Variants in MORC1 observed in about 807,000 individuals in gnomAD.
MORC1 encodes MORC family CW-type zinc finger 1, also known as MORC family CW-type zinc finger protein 1.
MORC1 carries 59 observed loss-of-function variants against 134.9 expected under a neutral mutation model. The ratio of observed to expected loss-of-function variants is 0.44; its 90% CI spans 0.35 to 0.54. MORC1 has a LOEUF of 0.54. Among genes scored for constraint, MORC1 ranks in the 20% least tolerant of loss-of-function variants. MORC1 has a pLI of 0.00. For missense variants in MORC1, 947 were observed against 1,134.5 expected, an observed-to-expected ratio of 0.83 and a Z score of 2.37; for synonymous variants, 395 against 391.7, an observed-to-expected ratio of 1.01 and a Z score of -0.10.
In MORC1 at chr3:108,986,907, TTTC is replaced by T; in HGVS notation, c.2227_2229del (p.Glu743del). On this transcript the variant is annotated inframe_deletion, in exon 22 of 28. Coordinates refer to ENST00000232603, the MANE Select transcript of MORC1 (RefSeq NM_014429.4). ...TGGTTTAAAAGAGGAATTTCCTTTT[TTTC>T]TTGTTTCAATGAAACATCAGTGTTG... 6.3e-7 allele frequency: 1 copy of T among 1,576,850 alleles called. No individual in the cohort carries two copies. Among genetic ancestry groups the T allele is most frequent in the Non-Finnish European group, 8.6e-7 (1 of 1,165,220 alleles).
chr3:109,115,260 T>C (rs1951244758), intron 1 of MORC1, among the ~76,000 whole-genome samples: 1 of 152,112 alleles, frequency 6.6e-6, no homozygotes, highest in Non-Finnish European at 1.5e-5. Flanking sequence ...TGCTCTTCTA[T>C]ACAAGAGAAA....
chr3:109,109,606 T>C (rs958601866), intron 3 of MORC1, among the ~76,000 whole-genome samples: 1 of 152,174 alleles, frequency 6.6e-6, no homozygotes, highest in Non-Finnish European at 1.5e-5. Flanking sequence ...TTTTACTCTA[T>C]TGGATATGGA....
At chr3:109,095,380 G>A (rs1249920895) in intron 6 of MORC1, among the ~76,000 whole-genome samples, 1 of 152,118 alleles carries the variant, frequency 6.6e-6, no homozygotes, top group Non-Finnish European at 1.5e-5. Context: ...GACAGCACAC[G>A]CAAGAAAAGC....
rs1433171430 is a variant in MORC1, at chr3:109,043,190, G to C, written c.1331-7722C>G. Among the ~76,000 whole-genome samples, 29 of 23,208 alleles carry C rather than the reference G, an allele frequency of 1.2e-3. No homozygotes were observed. The Admixed American group carries it at 0.013, about 11-fold the overall frequency. 15.2% of individuals were successfully genotyped at this position (23,208 alleles called of 152,430 possible). Reference sequence around the variant, plus strand: ...GATAAGCAAAATGTGGCAAAATGTGGGGGGGGGGGGGTGTGTATAACAGAA... The same window carrying C: ...GATAAGCAAAATGTGGCAAAATGTGCGGGGGGGGGGGTGTGTATAACAGAA... On this transcript the variant is annotated intron_variant, in intron 14 of 27. Transcript: ENST00000232603.
intron 6 of MORC1, 99 bp downstream of exon 6, chr3:109,099,259 T>C (rs2107775445): frequency 1.3e-6 from 1 of 793,216 alleles, no homozygotes; most frequent in East Asian, 2.8e-5. Flanking sequence ...AGTTTCTAAA[T>C]AATATCAGAA....
At chr3:108,980,823 A>C (rs1412527629) in intron 23 of MORC1, among the ~76,000 whole-genome samples, 2 of 152,218 alleles carry the variant, frequency 1.3e-5, no homozygotes, top group Non-Finnish European at 2.9e-5. Context: ...AAGAGGAAGA[A>C]GAATGTTCAG....
intron 3 of MORC1, 62 bp from the exon 4 acceptor site, chr3:109,103,979 T>G (rs1950976478): frequency 7.1e-7 from 1 of 1,403,654 alleles, no homozygotes; most frequent in South Asian, 1.2e-5. Flanking sequence ...CAGAAAGTCA[T>G]GCTGCTAGAA....
chr3:109,045,022 G>A (rs1476135237), intron 14 of MORC1, among the ~76,000 whole-genome samples: 1 of 151,394 alleles, frequency 6.6e-6, no homozygotes, highest in Non-Finnish European at 1.5e-5. Context: ...AACATACAAT[G>A]ACATTCAGGG....
At chr3:108,964,178 C>T (rs2107358966) in intron 26 of MORC1, among the ~76,000 whole-genome samples, 1 of 152,338 alleles carries the variant, frequency 6.6e-6, no homozygotes, top group Non-Finnish European at 1.5e-5. Flanking sequence ...ATATGACCCT[C>T]ATTAATAGAA....
intron 21 of MORC1, among the ~76,000 whole-genome samples, chr3:108,989,716 T>C (rs1947994173): frequency 1.3e-5 from 2 of 152,190 alleles, no homozygotes; most frequent in African/African-American, 2.4e-5. Context: ...AGTAAATACC[T>C]TTCTGCCAAC....
intron 21 of MORC1, among the ~76,000 whole-genome samples, chr3:108,996,836 C>T (rs912033117): frequency 3.3e-5 from 5 of 151,674 alleles, no homozygotes; most frequent in African/African-American, 1.2e-4. Flanking sequence ...TGGAGAAACC[C>T]TGTGTCTACT....
At chr3:109,003,376 ATAT>A (rs1181256111) in intron 20 of MORC1, among the ~76,000 whole-genome samples, 4 of 132,186 alleles carry the variant, frequency 3.0e-5, no homozygotes, top group Non-Finnish European at 4.8e-5. Flanking sequence ...ATAGCTTTAC[ATAT>A]TATATGTGTA....
chr3:108,999,023 AG>A (rs1324804081), intron 21 of MORC1, among the ~76,000 whole-genome samples: 2 of 152,236 alleles, frequency 1.3e-5, no homozygotes, highest in Non-Finnish European at 2.9e-5. Flanking sequence ...ACTTCTGAAA[AG>A]CAAGTGGTGA....
intron 12 of MORC1, among the ~76,000 whole-genome samples, chr3:109,058,499 T>C (rs1203147363): frequency 6.6e-6 from 1 of 152,074 alleles, no homozygotes; most frequent in Non-Finnish European, 1.5e-5. Flanking sequence ...GCTATTATAA[T>C]TGACATAATA....
At chr3:109,106,070 C>G (rs776332727) in intron 3 of MORC1, among the ~76,000 whole-genome samples, 7 of 152,234 alleles carry the variant, frequency 4.6e-5, no homozygotes, top group East Asian at 1.9e-4. Context: ...AGCTCTCAAT[C>G]TTGGTTGCAC....
intron 26 of MORC1, among the ~76,000 whole-genome samples, chr3:108,966,251 G>A (rs1175709305): frequency 2.0e-5 from 3 of 152,308 alleles, no homozygotes; most frequent in African/African-American, 7.2e-5. Context: ...GGATTTGAAA[G>A]AAAGGATATT....
intron 23 of MORC1, among the ~76,000 whole-genome samples, chr3:108,982,688 C>A (rs1352321943): frequency 6.7e-6 from 1 of 148,468 alleles, no homozygotes; most frequent in Non-Finnish European, 1.5e-5. Context: ...ATGTAACAAA[C>A]CCACACGTTG....
intron 22 of MORC1, 72 bp downstream of exon 22, chr3:108,986,808 G>T: frequency 9.4e-7 from 1 of 1,067,118 alleles, no homozygotes; most frequent in South Asian, 1.7e-5. Context: ...ATATCAGGCT[G>T]TCAAGCCATA....
At chr3:109,070,014 T>C (rs945803525) in intron 8 of MORC1, among the ~76,000 whole-genome samples, 5 of 152,224 alleles carry the variant, frequency 3.3e-5, no homozygotes, top group Admixed American at 2.0e-4. Flanking sequence ...AACCAACTTA[T>C]TCTAAGTAGA....
Sources: allele counts gnomAD v4.1 joint callset (sites outside exome capture counted in the v4.1 genomes callset), GRCh38; gene constraint gnomAD v4.1.1; transcripts MANE v1.5; gene names NCBI Gene and HGNC (gene_info 2026-07-23, HGNC 2026-07-21).